Variants in ZFAND6 observed in about 807,000 individuals in gnomAD.
The protein encoded by ZFAND6 is zinc finger AN1-type containing 6.
ZFAND6 carries 12 observed loss-of-function variants against 24.5 expected under a neutral mutation model. The observed-to-expected ratio is 0.49, with a 90% CI of 0.31 to 0.79. The LOEUF (loss-of-function observed/expected upper bound fraction) is 0.79, where lower values mean the gene tolerates loss of function less well. Among genes scored for constraint, ZFAND6 ranks in the 30% least tolerant of loss-of-function variants. The pLI, the probability that ZFAND6 is intolerant of heterozygous loss-of-function variation, is 0.04. For synonymous variants in ZFAND6, 92 were observed against 81.5 expected, an observed-to-expected ratio of 1.13 and a Z score of -0.69; for missense variants, 207 against 245.9, an observed-to-expected ratio of 0.84 and a Z score of 1.06.
At chr15:80,083,299 C>T (rs1048386188) in intron 1 of ZFAND6, among the ~76,000 whole-genome samples, 4 of 152,098 alleles carry the variant, frequency 2.6e-5, no homozygotes, top group Non-Finnish European at 5.9e-5. Context: ...CCTATACATA[C>T]GTTATTTTAA....
At chr15:80,091,028 G>C (rs1038055323) in intron 1 of ZFAND6, among the ~76,000 whole-genome samples, 1 of 152,132 alleles carries the variant, frequency 6.6e-6, no homozygotes, top group African/African-American at 2.4e-5. Context: ...ACACATCCTA[G>C]GTTTTGATTT....
rs527476297 is a variant in ZFAND6 at position 80,076,272 on chromosome 15, G to A, written c.-181+16463G>A. Among the ~76,000 whole-genome samples, 6 of 152,146 alleles carry A rather than the reference G, an allele frequency of 3.9e-5. No individual in the cohort carries two copies. In the East Asian group the frequency reaches 9.7e-4, roughly 24 times the overall value. On this transcript the variant is annotated intron_variant, in intron 1 of 6. Transcript: ENST00000261749. ...GCTCACCAAAAGTCACAGCAAATGG[G>A]TGATACTGCCACCCAAGCCAGAATC...
At chr15:80,071,573 G>A (rs1219028115) in intron 1 of ZFAND6, among the ~76,000 whole-genome samples, 1 of 152,008 alleles carries the variant, frequency 6.6e-6, no homozygotes, top group Non-Finnish European at 1.5e-5. Flanking sequence ...TAAAGTGACA[G>A]TAGGTCTTTT....
chr15:80,120,236 GC>G lies in ZFAND6; in HGVS notation c.-17-91del, dbSNP rs112817049. On this transcript the variant is annotated intron_variant, in intron 2 of 6. Coordinates refer to ENST00000261749, the MANE Select transcript of ZFAND6 (RefSeq NM_019006.4). ...ATGTAGAATAGTTTGATATATGTGG[GC>G]TTTTTTCTTTATCATATAAAAGCAG... The G allele has an allele frequency of 1.1e-4, 120 of 1,092,898 alleles. 1 individual carries two copies. In the African/African-American group the frequency reaches 1.8e-3, roughly 16 times the overall value. The allele number at this position is 1,092,898 out of a possible 1,614,324, so 67.7% of individuals were successfully genotyped here. A position where few individuals can be genotyped will look rare whatever the true frequency, so the allele number is the denominator to read the frequency against.
At position 80,079,395 on chromosome 15, in the gene ZFAND6, G is replaced by T. The variant is rs188630633; in HGVS notation, c.-180-19021G>T. On this transcript the variant is annotated intron_variant, in intron 1 of 6. Coordinates refer to ENST00000261749, the MANE Select transcript of ZFAND6 (RefSeq NM_019006.4). ...GCCACCACGCTTGGCTAATTTTTTG[G>T]ATTTTTAGTAGAGACGGGGTTTCAC... Among the ~76,000 whole-genome samples, 375 of 150,752 alleles carry T rather than the reference G, an allele frequency of 2.5e-3. 5 individuals carry two copies. The highest frequency in any genetic ancestry group is 8.5e-3 in the African/African-American group (349 of 40,996).
intron 5 of ZFAND6, among the ~76,000 whole-genome samples, chr15:80,127,439 T>C (rs112856226): frequency 9.1e-4 from 138 of 151,858 alleles, no homozygotes; most frequent in African/African-American, 2.5e-3. Flanking sequence ...AATATGAAAC[T>C]TAGCTGGCTG....
At chr15:80,109,118 C>G (rs1340361536) in intron 2 of ZFAND6, among the ~76,000 whole-genome samples, 1 of 152,172 alleles carries the variant, frequency 6.6e-6, no homozygotes, top group Non-Finnish European at 1.5e-5. Context: ...AATTCAATTT[C>G]TTTAAAAGGA....
intron 2 of ZFAND6, among the ~76,000 whole-genome samples, chr15:80,107,010 C>G (rs1373647945): frequency 2.0e-5 from 3 of 151,976 alleles, no homozygotes; most frequent in Non-Finnish European, 4.4e-5. Flanking sequence ...GTCAGGAGTT[C>G]AAGACCAGCC....
At chr15:80,097,714 C>T (rs1053888112) in intron 1 of ZFAND6, among the ~76,000 whole-genome samples, 1 of 152,150 alleles carries the variant, frequency 6.6e-6, no homozygotes, top group Non-Finnish European at 1.5e-5. Flanking sequence ...GTCATTATGA[C>T]TGCCTATGTA....
chr15:80,135,507 C>T (rs1024563172), intron 6 of ZFAND6, among the ~76,000 whole-genome samples: 1 of 152,240 alleles, frequency 6.6e-6, no homozygotes, highest in African/African-American at 2.4e-5. Flanking sequence ...AGGCACTGTG[C>T]TGAACACTGC....
At chr15:80,113,475 T>C (rs1724056531) in intron 2 of ZFAND6, among the ~76,000 whole-genome samples, 1 of 152,172 alleles carries the variant, frequency 6.6e-6, no homozygotes, top group Non-Finnish European at 1.5e-5. Flanking sequence ...AATTATATTT[T>C]CTCCCTATTT....
At chr15:80,115,652 T>TA (rs2039840980) in intron 2 of ZFAND6, among the ~76,000 whole-genome samples, 1 of 152,184 alleles carries the variant, frequency 6.6e-6, no homozygotes, top group African/African-American at 2.4e-5. Context: ...CATGTAAAGG[T>TA]ACATTTTATG....
chr15:80,101,856 G>A (rs1254422726), intron 2 of ZFAND6, among the ~76,000 whole-genome samples: 4 of 148,254 alleles, frequency 2.7e-5, no homozygotes, highest in South Asian at 2.2e-4. Context: ...GCAGTGGTGC[G>A]ATCTCGGCTC....
intron 1 of ZFAND6, among the ~76,000 whole-genome samples, chr15:80,061,778 A>G (rs1021389012): frequency 6.6e-6 from 1 of 152,182 alleles, no homozygotes; most frequent in African/African-American, 2.4e-5. Flanking sequence ...CTCTTGGTAC[A>G]CAAGTACAAG....
intron 6 of ZFAND6, among the ~76,000 whole-genome samples, chr15:80,135,960 CA>C (rs539820161): frequency 4.3e-4 from 65 of 152,082 alleles, no homozygotes; most frequent in African/African-American, 1.4e-3. Flanking sequence ...TCAGTCTGTA[CA>C]AAAAAATTTT....
chr15:80,073,255 T>A (rs1185894470), intron 1 of ZFAND6: 1 of 282,562 alleles, frequency 3.5e-6, no homozygotes, highest in Admixed American at 4.9e-5. Context: ...AACTCTTCAT[T>A]TCTTTCAAAG....
rs1221574878 is a variant in ZFAND6 at position 80,089,273 on chromosome 15, T to TG, written c.-180-9143_-180-9142insG. 2.1e-5 allele frequency among the ~76,000 whole-genome samples: 3 copies of TG among 140,592 alleles called. No homozygotes were observed. The South Asian group carries it at 7.2e-4, about 34-fold the overall frequency. The allele number at this position is 140,592 out of a possible 152,430, so 92.2% of individuals were successfully genotyped here. On this transcript the variant is annotated intron_variant, in intron 1 of 6. Coordinates refer to ENST00000261749, the MANE Select transcript of ZFAND6 (RefSeq NM_019006.4). ...TGAGTGTGTGTGTTTTTTTTTTTTTTTTTTTTTTTTTGAGACAGAGTCTCT... is the reference window on the plus strand; with the variant it reads ...TGAGTGTGTGTGTTTTTTTTTTTTTTGTTTTTTTTTTTGAGACAGAGTCTCT...
At chr15:80,103,230 T>C (rs1008261409) in intron 2 of ZFAND6, among the ~76,000 whole-genome samples, 3 of 152,244 alleles carry the variant, frequency 2.0e-5, no homozygotes, top group Non-Finnish European at 4.4e-5. Context: ...GTTACCTTCC[T>C]TATACAGATT....
chr15:80,102,276 A>G (rs1259196168), intron 2 of ZFAND6, among the ~76,000 whole-genome samples: 1 of 151,252 alleles, frequency 6.6e-6, no homozygotes, highest in Non-Finnish European at 1.5e-5. Flanking sequence ...CACCCAACTA[A>G]TTTTGCACTT....
Sources: allele counts gnomAD v4.1 joint callset (sites outside exome capture counted in the v4.1 genomes callset), GRCh38; gene constraint gnomAD v4.1.1; transcripts MANE v1.5; gene names NCBI Gene and HGNC (gene_info 2026-07-23, HGNC 2026-07-21).